MAP3K21: variants seen among roughly 807,000 people sequenced by gnomAD.
MAP3K21 encodes the protein mitogen-activated protein kinase kinase kinase MLK4.
A neutral mutation model predicts 86.1 loss-of-function variants in MAP3K21; 63 were observed. The observed-to-expected ratio is 0.73, with a 90% CI of 0.60 to 0.90. MAP3K21 has a LOEUF of 0.90. MAP3K21 is among the 40% of genes least tolerant of loss of function. The pLI is 0.00. For missense variants in MAP3K21, 1,220 were observed against 1,367.7 expected (o/e 0.89, Z 1.70); for synonymous variants, 558 against 564.8 (o/e 0.99, Z 0.17).
intron 1 of MAP3K21, among the ~76,000 whole-genome samples, chr1:233,330,829 T>C (rs1355650346): frequency 1.3e-5 from 2 of 152,360 alleles, no homozygotes; most frequent in South Asian, 4.1e-4. Flanking sequence ...GAATGTTTGC[T>C]AGTGTTTTTA....
chr1:233,375,886 G>A, intron 6 of MAP3K21, 30 bp from the exon 7 acceptor site: 1 of 1,576,248 alleles, frequency 6.3e-7, no homozygotes, highest in Non-Finnish European at 8.7e-7. Flanking sequence ...TGATTGTTGT[G>A]GTTAATATGG....
chr1:233,357,355 T>C (rs1663379455), intron 4 of MAP3K21, among the ~76,000 whole-genome samples: 1 of 151,676 alleles, frequency 6.6e-6, no homozygotes, highest in Admixed American at 6.6e-5. Flanking sequence ...TATACATATG[T>C]AAGAAACCTG....
At chr1:233,371,470 C>T (rs1031848110) in intron 5 of MAP3K21, among the ~76,000 whole-genome samples, 1 of 152,190 alleles carries the variant, frequency 6.6e-6, no homozygotes, top group Non-Finnish European at 1.5e-5. Context: ...AAGTGATTCT[C>T]CTGTCTCAGC....
In MAP3K21 at chr1:233,353,927, C is replaced by T. The variant is rs750942476; in HGVS notation, c.1107C>T (p.Cys369=). The change falls in exon 3 of 10, where the codon TGC becomes TGT. Residue 369 remains cysteine, a synonymous_variant. Transcript: ENST00000366624. ...TCACTTTGCCCATTCCATCCACCTG[C>T]CCTGAGCCGTTTGCCAAGCTCATGA... ...NKLTLPIPST[C]PEPFAKLMKE... 3.7e-6 allele frequency: 6 copies of T among 1,608,140 alleles called. No individual in the cohort carries two copies. In the African/African-American group the frequency reaches 8.0e-5, roughly 22 times the overall value.
intron 2 of MAP3K21, among the ~76,000 whole-genome samples, chr1:233,347,476 T>G (rs1211036511): frequency 1.3e-5 from 2 of 152,182 alleles, no homozygotes; most frequent in African/African-American, 4.8e-5. Flanking sequence ...AGAACTTACT[T>G]GCCATTGTTT....
chr1:233,336,486 A>AGCTGAAATTGTGCCACTGCACTCCAGC (rs1171693144), intron 1 of MAP3K21, among the ~76,000 whole-genome samples: 2 of 152,058 alleles, frequency 1.3e-5, no homozygotes, highest in Non-Finnish European at 2.9e-5. Context: ...GGTTGTAGTG[A>AGCTGAAATTGTGCCACTGCACTCCAGC]GCTGAAATTG....
chr1:233,363,101 G>A (rs948360456), intron 5 of MAP3K21, among the ~76,000 whole-genome samples: 1 of 152,154 alleles, frequency 6.6e-6, no homozygotes, highest in African/African-American at 2.4e-5. Flanking sequence ...AGAGCAGGAT[G>A]ATGACAGAGC....
intron 4 of MAP3K21, among the ~76,000 whole-genome samples, chr1:233,356,531 T>A (rs149232293): frequency 5.3e-5 from 8 of 152,322 alleles, no homozygotes; most frequent in East Asian, 1.9e-4. Flanking sequence ...CATATTATGA[T>A]TCCTGTTATG....
intron 1 of MAP3K21, among the ~76,000 whole-genome samples, chr1:233,342,214 C>T (rs1663050428): frequency 6.6e-6 from 1 of 152,186 alleles, no homozygotes; most frequent in Non-Finnish European, 1.5e-5. Flanking sequence ...TTGCTTTGCC[C>T]TCTTCTTATA....
intron 5 of MAP3K21, among the ~76,000 whole-genome samples, chr1:233,370,653 A>G (rs975459404): frequency 1.4e-4 from 22 of 152,252 alleles, no homozygotes; most frequent in African/African-American, 3.4e-4. Flanking sequence ...TGAAATGAAC[A>G]TATGTCAAAG....
chr1:233,367,540 A>C (rs548385330), intron 5 of MAP3K21, among the ~76,000 whole-genome samples: 2 of 152,248 alleles, frequency 1.3e-5, no homozygotes, highest in African/African-American at 4.8e-5. Context: ...ACCTTTCCCT[A>C]CTTCAAAGGG....
chr1:233,331,304 G>C (rs1662805472), intron 1 of MAP3K21, among the ~76,000 whole-genome samples: 1 of 152,186 alleles, frequency 6.6e-6, no homozygotes, highest in Admixed American at 6.5e-5. Context: ...GCCTGGCCAA[G>C]TATTTGTTAC....
chr1:233,328,228 T>C lies in MAP3K21; in HGVS notation c.200T>C (p.Val67Ala). 6.7e-7 allele frequency: 1 copy of C among 1,488,922 alleles called. No homozygotes were observed. The highest frequency in any genetic ancestry group is 2.2e-5 in the Admixed American group (1 of 44,770). 92.2% of individuals were successfully genotyped at this position (1,488,922 alleles called of 1,614,324 possible). The change falls in exon 1 of 10, where the codon GTG becomes GCG. Residue 67 changes from valine to alanine, a missense_variant. Physicochemically the swap from Val to Ala is moderately conservative, Grantham distance 64 (BLOSUM62 0). This residue lies in a region of MAP3K21 where 369 missense variants were observed against 385.3 expected (regional missense o/e 0.96). Coordinates refer to ENST00000366624, the MANE Select transcript of MAP3K21 (RefSeq NM_032435.3). This position sits in a 1 kb window ranked among gnomAD's most constrained non-coding sequence, Gnocchi z 8.7. ...CTGCGGCGCGGCCAGCTGGTGGAGG[T>C]GCTGTCGCAGGACGCCGCCGTGTCG... ...LSLRRGQLVE[V>A]LSQDAAVSGD... is the part of the protein sequence containing the mutation.
At chr1:233,352,594 G>A (rs1207926424) in intron 2 of MAP3K21, among the ~76,000 whole-genome samples, 1 of 151,868 alleles carries the variant, frequency 6.6e-6, no homozygotes, top group African/African-American at 2.4e-5. Flanking sequence ...CCATGCCCGG[G>A]TCATTTTTGT....
intron 1 of MAP3K21, among the ~76,000 whole-genome samples, chr1:233,332,652 G>A (rs989327228): frequency 6.6e-6 from 1 of 152,172 alleles, no homozygotes. Flanking sequence ...TATTTTGCAG[G>A]GAGGTTACCA....
At chr1:233,378,151 T>G (rs1010880005) in intron 8 of MAP3K21, among the ~76,000 whole-genome samples, 1 of 152,194 alleles carries the variant, frequency 6.6e-6, no homozygotes, top group Non-Finnish European at 1.5e-5. Flanking sequence ...TTAGGTATAC[T>G]AGGATGTAGT....
intron 4 of MAP3K21, among the ~76,000 whole-genome samples, chr1:233,360,675 C>T (rs988520387): frequency 3.9e-5 from 6 of 152,092 alleles, no homozygotes; most frequent in African/African-American, 9.7e-5. Context: ...ATTTTCTTTA[C>T]GATAATTGTA....
chr1:233,366,845 TG>T (rs1663585983), intron 5 of MAP3K21, among the ~76,000 whole-genome samples: 1 of 150,996 alleles, frequency 6.6e-6, no homozygotes, highest in Admixed American at 6.8e-5. Context: ...ACCTCAAAAG[TG>T]ATTTTTTTTT....
At chr1:233,356,005 C>A (rs1663345650) in intron 4 of MAP3K21, among the ~76,000 whole-genome samples, 1 of 152,202 alleles carries the variant, frequency 6.6e-6, no homozygotes, top group African/African-American at 2.4e-5. Context: ...CTGTCCCCAG[C>A]CATACTGAAT....
Sources: allele counts gnomAD v4.1 joint callset (sites outside exome capture counted in the v4.1 genomes callset), GRCh38; gene constraint gnomAD v4.1.1; regional missense constraint gnomAD v4.1.1; non-coding constraint Gnocchi (gnomAD v3.1); transcripts MANE v1.5; gene names NCBI Gene and HGNC (gene_info 2026-07-23, HGNC 2026-07-21).